Variants in GRIP1 observed in about 807,000 individuals in gnomAD.
GRIP1 encodes glutamate receptor-interacting protein 1.
Under a neutral mutation model 129.9 loss-of-function variants are expected in GRIP1, and 45 were observed. That is an observed-to-expected ratio of 0.35 (90% CI 0.27 to 0.44). The LOEUF (loss-of-function observed/expected upper bound fraction) is 0.44. GRIP1 is among the 20% of genes least tolerant of loss of function. The probability of loss-of-function intolerance (pLI) is 1.00; values close to 1 mark genes in which losing one functional copy is unlikely to be tolerated. For synonymous variants in GRIP1, 530 were observed against 520.8 expected (o/e 1.02, Z -0.24); for missense variants, 1,196 against 1,396.8 (o/e 0.86, Z 2.29).
chr12:66,407,441 A>G (rs2057234771), intron 15 of GRIP1: 1 of 152,248 alleles, frequency 6.6e-6, no homozygotes, highest in African/African-American at 2.4e-5. Flanking sequence ...GGCACTGAAG[A>G]GGGTAGGAAA....
At chr12:66,380,442 G>C (rs553195632) in intron 19 of GRIP1, among the ~76,000 whole-genome samples, 1 of 152,130 alleles carries the variant, frequency 6.6e-6, no homozygotes, top group African/African-American at 2.4e-5. Flanking sequence ...AGCCTGCTGC[G>C]TTTATTGTTT....
intron 1 of GRIP1, among the ~76,000 whole-genome samples, chr12:66,998,652 T>C (rs931666014): frequency 2.0e-5 from 3 of 152,066 alleles, no homozygotes; most frequent in African/African-American, 7.2e-5. Flanking sequence ...ATCTCATTCT[T>C]CAAAGAGAAA....
At chr12:66,886,468 G>A (rs547040321) in intron 1 of GRIP1, among the ~76,000 whole-genome samples, 7 of 152,154 alleles carry the variant, frequency 4.6e-5, no homozygotes, top group Non-Finnish European at 1.0e-4. Flanking sequence ...GTTACAACCT[G>A]CCCCATCTCT....
At chr12:67,033,560 A>C (rs899812498) in intron 1 of GRIP1, among the ~76,000 whole-genome samples, 7 of 152,136 alleles carry the variant, frequency 4.6e-5, no homozygotes, top group African/African-American at 1.7e-4. Flanking sequence ...CAATCTTCTC[A>C]TTCTAACCCC....
chr12:66,478,879 T>A (rs529334581), intron 7 of GRIP1, among the ~76,000 whole-genome samples: 2 of 152,238 alleles, frequency 1.3e-5, no homozygotes, highest in East Asian at 3.9e-4. Flanking sequence ...GTGCCTGTTA[T>A]GGGGTGCAGC....
chr12:66,406,941 T>C (rs577447238), intron 15 of GRIP1, among the ~76,000 whole-genome samples: 12 of 152,100 alleles, frequency 7.9e-5, no homozygotes, highest in Admixed American at 4.6e-4. Context: ...GATGAATCCA[T>C]AGCTTCTTAT....
chr12:66,415,540 T>C (rs2057568797), intron 15 of GRIP1, among the ~76,000 whole-genome samples: 1 of 152,070 alleles, frequency 6.6e-6, no homozygotes, highest in Non-Finnish European at 1.5e-5. Context: ...GAAGCAGAAA[T>C]ACCATTTGAC....
intron 1 of GRIP1, among the ~76,000 whole-genome samples, chr12:67,027,780 G>A (rs967320069): frequency 1.3e-5 from 2 of 152,200 alleles, no homozygotes; most frequent in African/African-American, 4.8e-5. Flanking sequence ...AACCCAGAAG[G>A]CATGGCATGA....
chr12:66,773,384 G>T (rs1347023249), intron 1 of GRIP1, among the ~76,000 whole-genome samples: 1 of 152,088 alleles, frequency 6.6e-6, no homozygotes. Context: ...TGGTATTTCT[G>T]GTTCTAGATC....
chr12:66,397,110 C>CAAA (rs71436004), intron 16 of GRIP1, among the ~76,000 whole-genome samples: 15,426 of 59,080 alleles, frequency 0.26, 3,635 homozygotes, highest in Non-Finnish European at 0.34. Context: ...GACTCTGTCT[C>CAAA]AAAAAAAAAA....
At chr12:67,037,712 C>T (rs1565650372) in intron 1 of GRIP1, among the ~76,000 whole-genome samples, 1 of 152,050 alleles carries the variant, frequency 6.6e-6, no homozygotes, top group Non-Finnish European at 1.5e-5. Context: ...AAGCATCATT[C>T]CATTTGTCAT....
chr12:66,775,843 G>A (rs941573559), intron 1 of GRIP1, among the ~76,000 whole-genome samples: 1 of 152,074 alleles, frequency 6.6e-6, no homozygotes, highest in Admixed American at 6.6e-5. Context: ...GGTTTTCTGT[G>A]GTCAAATCAA....
chr12:66,701,926 C>T (rs1257329836), intron 1 of GRIP1, among the ~76,000 whole-genome samples: 1 of 152,150 alleles, frequency 6.6e-6, no homozygotes, highest in Non-Finnish European at 1.5e-5. Flanking sequence ...AGAACTCTAA[C>T]TGTACAAGCA....
chr12:66,357,613 G>T (rs537055913), intron 23 of GRIP1, among the ~76,000 whole-genome samples: 74 of 152,172 alleles, frequency 4.9e-4, no homozygotes, highest in Non-Finnish European at 8.7e-4. Flanking sequence ...GGGTTGCAAA[G>T]CGATAATCTT....
At chr12:66,612,488 G>T (rs1027928330) in intron 1 of GRIP1, among the ~76,000 whole-genome samples, 2 of 151,922 alleles carry the variant, frequency 1.3e-5, no homozygotes. Flanking sequence ...GGGGGACCCT[G>T]AGTTTAAAAA....
At chr12:66,416,031 G>A (rs1565716917) in intron 15 of GRIP1, among the ~76,000 whole-genome samples, 1 of 151,774 alleles carries the variant, frequency 6.6e-6, no homozygotes, top group East Asian at 1.9e-4. Context: ...ATTTACCTAT[G>A]TAACAAACCT....
intron 9 of GRIP1, among the ~76,000 whole-genome samples, chr12:66,458,165 A>C (rs2059022877): frequency 6.6e-6 from 1 of 152,146 alleles, no homozygotes; most frequent in African/African-American, 2.4e-5. Context: ...ACCCTAAACC[A>C]TCTGGTCTGC....
chr12:66,594,858 T>C (rs1335669759), intron 2 of GRIP1, among the ~76,000 whole-genome samples: 3 of 152,330 alleles, frequency 2.0e-5, no homozygotes, highest in Non-Finnish European at 4.4e-5. Context: ...GAGAATACTC[T>C]TCTTTTTGCC....
At chr12:67,063,214 A>G (rs1485453872) in intron 1 of GRIP1, among the ~76,000 whole-genome samples, 4 of 152,204 alleles carry the variant, frequency 2.6e-5, no homozygotes, top group Non-Finnish European at 5.9e-5. Flanking sequence ...TCTCCTCATC[A>G]ACTACTGTGC....
Sources: allele counts gnomAD v4.1 joint callset (sites outside exome capture counted in the v4.1 genomes callset), GRCh38; gene constraint gnomAD v4.1.1; transcripts MANE v1.5; gene names NCBI Gene and HGNC (gene_info 2026-07-23, HGNC 2026-07-21).